PLPPR1: variants seen among roughly 807,000 people sequenced by gnomAD.
PLPPR1 encodes phospholipid phosphatase related 1.
In PLPPR1, 10 loss-of-function variants were observed where a neutral mutation model predicts 33.1. The observed-to-expected ratio is 0.30, with a 90% CI of 0.19 to 0.51. The LOEUF is 0.51. PLPPR1 is among the 20% of genes least tolerant of loss of function. The pLI is 0.97. For missense variants in PLPPR1, 304 were observed against 408.1 expected, an observed-to-expected ratio of 0.74 and a Z score of 2.20; for synonymous variants, 151 against 151.0, an observed-to-expected ratio of 1.00 and a Z score of 0.00.
chr9:101,175,787 G>C (rs1210484448), intron 1 of PLPPR1, among the ~76,000 whole-genome samples: 1 of 152,146 alleles, frequency 6.6e-6, no homozygotes, highest in African/African-American at 2.4e-5. Flanking sequence ...GGCTAAATGA[G>C]AATCTTGGTG....
At chr9:101,238,011 TCTC>T (rs1827351402) in intron 2 of PLPPR1, among the ~76,000 whole-genome samples, 2 of 122,262 alleles carry the variant, frequency 1.6e-5, no homozygotes, top group South Asian at 6.0e-4. Flanking sequence ...ATATGCTTAT[TCTC>T]CAAATAGACT....
At chr9:101,123,133 C>T (rs537769124) in intron 1 of PLPPR1, among the ~76,000 whole-genome samples, 4 of 152,194 alleles carry the variant, frequency 2.6e-5, no homozygotes, top group East Asian at 1.9e-4. Flanking sequence ...TTTCAAAATC[C>T]GAAATACTGT....
intron 1 of PLPPR1, among the ~76,000 whole-genome samples, chr9:101,176,324 G>A (rs1826019228): frequency 6.6e-6 from 1 of 151,864 alleles, no homozygotes; most frequent in Non-Finnish European, 1.5e-5. Flanking sequence ...CAAGTGGGGA[G>A]CCAGGACTTT....
chr9:101,289,049 C>T (rs914270082), intron 4 of PLPPR1, among the ~76,000 whole-genome samples: 5 of 152,194 alleles, frequency 3.3e-5, no homozygotes, highest in African/African-American at 9.7e-5. Context: ...AGCCTCATCC[C>T]GAGCCACTCC....
rs145202920 is a variant in PLPPR1 at position 101,054,107 on chromosome 9, C to A, written c.-46+25005C>A. Among the ~76,000 whole-genome samples, 1,008 of 152,192 alleles carry A rather than the reference C, an allele frequency of 6.6e-3. 24 individuals carry two copies. Among genetic ancestry groups the A allele is most frequent in the East Asian group, 0.045 (235 of 5,172 alleles). On this transcript the variant is annotated intron_variant, in intron 1 of 7. Transcript: ENST00000374874. The stretch of plus-strand genomic sequence containing the variant: ...GCTGAGTCAGGAGAATCATTTGAAC[C>A]CAGGAGCCGGAGGTTGCAGTGAGCT...
intron 2 of PLPPR1, among the ~76,000 whole-genome samples, chr9:101,195,822 G>T (rs569579852): frequency 6.6e-6 from 1 of 152,252 alleles, no homozygotes; most frequent in Non-Finnish European, 1.5e-5. Context: ...TAGCATTACA[G>T]TACTTTAAAC....
rs76358479 is a variant in PLPPR1 at position 101,073,728 on chromosome 9, T to C, written c.-46+44626T>C. Among the ~76,000 whole-genome samples, 758 of 152,300 alleles carry C rather than the reference T, an allele frequency of 5.0e-3. 6 individuals are homozygous for C. The highest frequency in any genetic ancestry group is 0.018 in the African/African-American group (728 of 41,580). ...ACTTGACTTTTGTTTTGCTTAATTT[T>C]TACAATGTGTTCAGCTAGAAAAATA... is the stretch of plus-strand genomic sequence containing the variant. On this transcript the variant is annotated intron_variant, in intron 1 of 7. Transcript: ENST00000374874.
intron 2 of PLPPR1, among the ~76,000 whole-genome samples, chr9:101,200,639 G>A (rs2118746832): frequency 6.6e-6 from 1 of 152,180 alleles, no homozygotes; most frequent in Non-Finnish European, 1.5e-5. Flanking sequence ...TATTTTTCAT[G>A]TTGTATGCCA....
chr9:101,306,243 G>T (rs1828856767), intron 4 of PLPPR1, among the ~76,000 whole-genome samples: 1 of 152,194 alleles, frequency 6.6e-6, no homozygotes, highest in Non-Finnish European at 1.5e-5. Flanking sequence ...ACCCCAGCAG[G>T]AACACGATGC....
At chr9:101,172,063 C>G (rs145878884) in intron 1 of PLPPR1, among the ~76,000 whole-genome samples, 1,553 of 152,244 alleles carry the variant, frequency 0.01, 10 homozygotes, top group Middle Eastern at 0.02. Flanking sequence ...ATACCACTCT[C>G]CCTTAATTCT....
chr9:101,266,839 G>T (rs1191872495), intron 2 of PLPPR1, among the ~76,000 whole-genome samples: 1 of 152,082 alleles, frequency 6.6e-6, no homozygotes, highest in Non-Finnish European at 1.5e-5. Flanking sequence ...ATAAGTTTTT[G>T]CTTTCATTTA....
chr9:101,173,560 C>G (rs574848283), intron 1 of PLPPR1, among the ~76,000 whole-genome samples: 2 of 151,996 alleles, frequency 1.3e-5, no homozygotes, highest in African/African-American at 4.8e-5. Flanking sequence ...ACAACAAGGC[C>G]CTGAGGTAAT....
At chr9:101,102,297 C>A (rs1180397261) in intron 1 of PLPPR1, among the ~76,000 whole-genome samples, 3 of 111,298 alleles carry the variant, frequency 2.7e-5, no homozygotes, top group African/African-American at 7.7e-5. Context: ...CCTCCCCCAT[C>A]CCCCGACCCC....
At chr9:101,126,138 A>G (rs1831244193) in intron 1 of PLPPR1, among the ~76,000 whole-genome samples, 1 of 152,142 alleles carries the variant, frequency 6.6e-6, no homozygotes. Context: ...CCCAATATAG[A>G]GCCTTTCCTG....
intron 2 of PLPPR1, among the ~76,000 whole-genome samples, chr9:101,234,001 G>C (rs566933156): frequency 6.6e-6 from 1 of 152,014 alleles, no homozygotes; most frequent in South Asian, 2.1e-4. Flanking sequence ...TGTACTTGCA[G>C]AGGTTCAGAG....
intron 2 of PLPPR1, among the ~76,000 whole-genome samples, chr9:101,255,528 C>T (rs1827784805): frequency 6.6e-6 from 1 of 151,048 alleles, no homozygotes. Context: ...AGAGTTAACC[C>T]TTTTGTTAAC....
At chr9:101,323,004 AT>A (rs915905188) in intron 7 of PLPPR1, among the ~76,000 whole-genome samples, 1 of 152,206 alleles carries the variant, frequency 6.6e-6, no homozygotes, top group Non-Finnish European at 1.5e-5. Flanking sequence ...AATTCTATAC[AT>A]TTTGAAATAA....
At chr9:101,034,191 A>G (rs1463937000) in intron 1 of PLPPR1, among the ~76,000 whole-genome samples, 1 of 152,162 alleles carries the variant, frequency 6.6e-6, no homozygotes, top group Non-Finnish European at 1.5e-5. Flanking sequence ...GGAACCAGCT[A>G]GTGTCTAAGA....
intron 1 of PLPPR1, among the ~76,000 whole-genome samples, chr9:101,034,393 C>G (rs561592998): frequency 2.0e-5 from 3 of 152,144 alleles, no homozygotes; most frequent in South Asian, 2.1e-4. Flanking sequence ...ACTTAAGGAG[C>G]CTCTGAGTGC....
Sources: gnomAD v4.1 joint callset for allele counts (sites outside exome capture counted in the v4.1 genomes callset) on GRCh38, gnomAD v4.1.1 for gene constraint, MANE v1.5 for transcripts, NCBI Gene and HGNC (gene_info 2026-07-23, HGNC 2026-07-21) for gene names.